CHIT1: variants seen among roughly 807,000 people sequenced by gnomAD.
CHIT1 encodes chitotriosidase-1.
Under a neutral mutation model 52.0 loss-of-function variants are expected in CHIT1, and 47 were observed. The observed-to-expected ratio is 0.90, with a 90% CI of 0.71 to 1.15. The LOEUF (loss-of-function observed/expected upper bound fraction) is 1.15. CHIT1 is among the 50% of genes most tolerant of loss of function. The pLI is 0.00. For missense variants in CHIT1, 569 were observed against 583.0 expected, an observed-to-expected ratio of 0.98 and a Z score of 0.25; for synonymous variants, 242 against 228.2, an observed-to-expected ratio of 1.06 and a Z score of -0.54.
chr1:203,219,973 T>G, intron 7 of CHIT1, 124 bp from the exon 8 acceptor site: 1 of 1,207,534 alleles, frequency 8.3e-7, no homozygotes, highest in Non-Finnish European at 1.2e-6. Flanking sequence ...TACGGGCCTT[T>G]GTTAGGATTC....
intron 2 of CHIT1, among the ~76,000 whole-genome samples, chr1:203,226,375 C>T (rs1322505452): frequency 6.6e-6 from 1 of 152,172 alleles, no homozygotes; most frequent in Non-Finnish European, 1.5e-5. Context: ...AACATGAGGC[C>T]TAGAGGGAAT....
chr1:203,223,221 T>C lies in CHIT1; in HGVS notation c.519A>G (p.Ser173=), dbSNP rs1286986503. The C allele has an allele frequency of 2.5e-6, 4 of 1,614,206 alleles. No homozygotes were observed. In the East Asian group the frequency reaches 6.7e-5, roughly 27 times the overall value. ...CACTCAGAAGAAGGCGTTCCTTCCC[T>C]GAGGTCTGGGCTTCCTGCTGGAAGG... ...ANAFQQEAQT[S]GKERLLLSAA... The change falls in exon 6 of 11, where the codon TCA becomes TCG. Residue 173 remains serine, a synonymous_variant. Transcript: ENST00000367229.
At chr1:203,226,123 T>C (rs191365432) in intron 2 of CHIT1, among the ~76,000 whole-genome samples, 1 of 152,340 alleles carries the variant, frequency 6.6e-6, no homozygotes, top group East Asian at 1.9e-4. Flanking sequence ...CTAAGCCTTC[T>C]TTTCCCGGGA....
In CHIT1 at chr1:203,225,927, G is replaced by A. The variant is rs531928228; in HGVS notation, c.56-57C>T. 130 of 1,577,738 alleles carry A rather than the reference G, an allele frequency of 8.2e-5. 2 individuals are homozygous for A. The South Asian group carries it at 1.4e-3, about 16-fold the overall frequency. ...TGTCAGCAGGACCTTCTGGGGACTG[G>A]TCACCCTCCATCTGGGGTAGGCAAT... On this transcript the variant is annotated intron_variant, in intron 2 of 10. Coordinates refer to ENST00000367229, the MANE Select transcript of CHIT1 (RefSeq NM_003465.3).
intron 10 of CHIT1, 161 bp from the exon 11 acceptor site, chr1:203,217,294 A>G (rs747901276): frequency 1.3e-6 from 2 of 1,545,160 alleles, no homozygotes; most frequent in Non-Finnish European, 1.7e-6. Context: ...GCCAGACAAC[A>G]GCCATACCTA....
chr1:203,221,392 G>C (rs1008724682), intron 7 of CHIT1, among the ~76,000 whole-genome samples: 1 of 152,066 alleles, frequency 6.6e-6, no homozygotes, highest in East Asian at 1.9e-4. Flanking sequence ...CCAACACTTT[G>C]GGAGGCTGAG....
chr1:203,217,721 C>T lies in CHIT1; in HGVS notation c.1156+18G>A, dbSNP rs1656583087. On this transcript the variant is annotated intron_variant, in intron 10 of 10. Coordinates refer to ENST00000367229, the MANE Select transcript of CHIT1 (RefSeq NM_003465.3). ...CCCACCTCCAAATTCCACCACTGGC[C>T]CTGGGCCCCTTACTTACTCAGTTCC... 1 of 1,613,710 alleles carries T rather than the reference C, an allele frequency of 6.2e-7. No individual in the cohort carries two copies. The highest frequency in any genetic ancestry group is 8.5e-7 in the Non-Finnish European group (1 of 1,179,862).
At chr1:203,220,600 G>C (rs1256757297) in intron 7 of CHIT1, among the ~76,000 whole-genome samples, 1 of 152,196 alleles carries the variant, frequency 6.6e-6, no homozygotes, top group Non-Finnish European at 1.5e-5. Context: ...CATTCCTTAA[G>C]CCAAGAGTAT....
In CHIT1 at chr1:203,225,612, G is replaced by A. The variant is rs79146502; in HGVS notation, c.257+57C>T. ...CTGGAGAGGTGTCTGGCTCTGGGAG[G>A]AGGTTATCTGTCACCCCACCACATC... On this transcript the variant is annotated intron_variant, in intron 3 of 10. Coordinates refer to ENST00000367229, the MANE Select transcript of CHIT1 (RefSeq NM_003465.3). 1,256 of 1,558,152 alleles carry A rather than the reference G, an allele frequency of 8.1e-4. 17 individuals are homozygous for A. In the East Asian group the frequency reaches 0.027, roughly 34 times the overall value.
intron 3 of CHIT1, 97 bp from the exon 4 acceptor site, chr1:203,225,201 C>T (rs978954329): frequency 7.9e-6 from 9 of 1,137,906 alleles, no homozygotes; most frequent in Middle Eastern, 1.9e-4. Flanking sequence ...GGGGTGGGGA[C>T]GTGTGAAAGT....
At chr1:203,227,884 A>T (rs1323108093) in intron 2 of CHIT1, among the ~76,000 whole-genome samples, 1 of 152,148 alleles carries the variant, frequency 6.6e-6, no homozygotes, top group East Asian at 1.9e-4. Context: ...CCAGCGTGAG[A>T]GGCACAGTCG....
intron 4 of CHIT1, among the ~76,000 whole-genome samples, chr1:203,224,133 T>C (rs3766539): frequency 0.083 from 12,662 of 152,292 alleles, 852 homozygotes; most frequent in South Asian, 0.28. Flanking sequence ...GAGCCCACTG[T>C]TTTAGTTTCC....
Position 203,229,601 on chromosome 1 carries a change from C to A in CHIT1, c.25+11G>T, listed in dbSNP as rs200780921. On this transcript the variant is annotated intron_variant, in intron 1 of 10. Transcript: ENST00000367229. Reference sequence around the variant, plus strand: ...AGCTCCCGAGACCCAGCCCACTATCCGACGGCTCACCTGCCCAGGCCACAG... The same window carrying A: ...AGCTCCCGAGACCCAGCCCACTATCAGACGGCTCACCTGCCCAGGCCACAG... The A allele has an allele frequency of 1.2e-6, 2 of 1,613,990 alleles. No individual in the cohort carries two copies. Among genetic ancestry groups the A allele is most frequent in the Admixed American group, 3.3e-5 (2 of 60,000 alleles).
chr1:203,217,125 A>G lies in CHIT1; in HGVS notation c.1165T>C (p.Tyr389His). ...QTLRQELSLP[Y>H]LPSGTPELEV... Reference sequence around the variant, plus strand: ...AGCTCTGGGGTGCCTGAAGGCAAGTATGGAAGACCTGGGAAGACAGTGAAG... The same window carrying G: ...AGCTCTGGGGTGCCTGAAGGCAAGTGTGGAAGACCTGGGAAGACAGTGAAG... The change falls in exon 11 of 11, where the codon TAC (tyrosine) becomes CAC (histidine). Residue 389 changes from tyrosine (Y) to histidine (H), a missense_variant. Coordinates refer to ENST00000367229, the MANE Select transcript of CHIT1 (RefSeq NM_003465.3). 1 of 1,605,594 alleles carries G rather than the reference A, an allele frequency of 6.2e-7. No individual in the cohort carries two copies. Among genetic ancestry groups the G allele is most frequent in the Non-Finnish European group, 8.5e-7 (1 of 1,179,970 alleles).
intron 7 of CHIT1, among the ~76,000 whole-genome samples, chr1:203,220,477 A>T (rs1000586382): frequency 6.6e-6 from 1 of 152,110 alleles, no homozygotes; most frequent in Admixed American, 6.5e-5. Context: ...TTCCTTACCC[A>T]CCTTTGAATA....
At chr1:203,222,886 G>C (rs764329327) in intron 6 of CHIT1, among the ~76,000 whole-genome samples, 1 of 152,186 alleles carries the variant, frequency 6.6e-6, no homozygotes, top group Non-Finnish European at 1.5e-5. Flanking sequence ...CCGAGGAAGA[G>C]GACAGAGATC....
At chr1:203,217,178 C>T in intron 10 of CHIT1, 45 bp from the exon 11 acceptor site, 1 of 1,599,042 alleles carries the variant, frequency 6.3e-7, no homozygotes, top group Non-Finnish European at 8.5e-7. Flanking sequence ...CCGAAGAGAT[C>T]CCAAACCCAC....
intron 9 of CHIT1, among the ~76,000 whole-genome samples, chr1:203,218,645 C>T (rs559074412): frequency 2.0e-5 from 3 of 152,282 alleles, no homozygotes; most frequent in Non-Finnish European, 4.4e-5. Context: ...ACCCTTCCAC[C>T]GTGACCCCTT....
At chr1:203,227,996 A>T (rs1571851850) in intron 2 of CHIT1, among the ~76,000 whole-genome samples, 1 of 152,194 alleles carries the variant, frequency 6.6e-6, no homozygotes, top group Non-Finnish European at 1.5e-5. Flanking sequence ...AAGGTCCCCC[A>T]GGTCTCTTTT....
Sources: gnomAD v4.1 joint callset for allele counts (sites outside exome capture counted in the v4.1 genomes callset) on GRCh38, gnomAD v4.1.1 for gene constraint, MANE v1.5 for transcripts, NCBI Gene and HGNC (gene_info 2026-07-23, HGNC 2026-07-21) for gene names.